The following RTL10 variants were observed in gnomAD, a reference collection of about 807,000 sequenced individuals.
RTL10 encodes the protein protein Bop.
For synonymous variants in RTL10, 199 were observed against 188.4 expected (o/e 1.06, Z -0.46); for missense variants, 477 against 470.7 (o/e 1.01, Z -0.12).
Position 19,846,403 on chromosome 22 carries a change from C to A in RTL10, c.*4764G>T, listed in dbSNP as rs13164. The A allele has an allele frequency of 1.0e-6, 1 of 983,186 alleles. No individual in the cohort carries two copies. The highest frequency in any genetic ancestry group is 1.2e-6 in the Non-Finnish European group (1 of 828,026). The allele number at this position is 983,186 out of a possible 1,614,324, so 60.9% of individuals were successfully genotyped here. A position where few individuals can be genotyped will look rare whatever the true frequency, so the allele number is the denominator to read the frequency against. The stretch of plus-strand genomic sequence containing the variant: ...GCATCCCATACAGCACAACTGGGCA[C>A]TGCCTACTCAACAGCCAAGGCTTGG... On this transcript the variant is annotated 3_prime_UTR_variant, in exon 3 of 3. Transcript: ENST00000328554.
At position 19,851,842 on chromosome 22, in the gene RTL10, G is replaced by A. The variant is rs200814178; in HGVS notation, c.420C>T (p.Cys140=). The change falls in exon 3 of 3, where the codon TGC becomes TGT. Residue 140 remains cysteine (C), a synonymous_variant. Coordinates refer to ENST00000328554, the MANE Select transcript of RTL10 (RefSeq NM_024627.6). ...GGCCTGTTAGGCGCCTGAGGATCTCGCAGACACGGCTGATGTTGTCCTGAT... is the reference window on the plus strand; with the variant it reads ...GGCCTGTTAGGCGCCTGAGGATCTCACAGACACGGCTGATGTTGTCCTGAT... ...EHYQDNISRV[C]EILRRLTGRA... 8.7e-5 allele frequency: 141 copies of A among 1,613,866 alleles called. No homozygotes were observed. The highest frequency in any genetic ancestry group is 2.8e-4 in the Admixed American group (17 of 60,036).
At position 19,847,803 on chromosome 22, in the gene RTL10, G is replaced by GAAAAAAAAAA. The variant is rs1468350618; in HGVS notation, c.*3363_*3364insTTTTTTTTTT. 64 of 440,332 alleles carry GAAAAAAAAAA rather than the reference G, an allele frequency of 1.5e-4. No individual in the cohort carries two copies. The African/African-American group carries it at 1.6e-3, about 11-fold the overall frequency. The allele number at this position is 440,332 out of a possible 1,614,324, so 27.3% of individuals were successfully genotyped here. A position where few individuals can be genotyped will look rare whatever the true frequency, so the allele number is the denominator to read the frequency against. ...AACTTTTAAAATCCTGGAATCATAG[G>GAAAAAAAAAA]CAAAAAAAAAAAAAAAAAAAAATTC... On this transcript the variant is annotated 3_prime_UTR_variant, in exon 3 of 3. Coordinates refer to ENST00000328554, the MANE Select transcript of RTL10 (RefSeq NM_024627.6).
At position 19,851,968 on chromosome 22, in the gene RTL10, C is replaced by T; in HGVS notation, c.294G>A (p.Trp98Ter). ...AGGTGCCTGGGTCTGAGCCTGGTAC[C>T]CAGCAGAAGTCCACCCTGTGGGGTC... is the stretch of plus-strand genomic sequence containing the variant. ...SSRPHRVDFC[W>*]VPGSDPGTFD... is the part of the protein sequence containing the mutation. The change falls in exon 3 of 3, where the codon TGG becomes TGA. Residue 98 changes from tryptophan (W) to a stop codon, truncating the protein, a stop_gained. Transcript: ENST00000328554. LOFTEE classifies it low-confidence loss of function (END_TRUNC). The T allele has an allele frequency of 6.2e-7, 1 of 1,614,138 alleles. No homozygotes were observed. The highest frequency in any genetic ancestry group is 1.1e-5 in the South Asian group (1 of 91,086).
chr22:19,853,978 T>C (rs35169076), intron 2 of RTL10, among the ~76,000 whole-genome samples: 41,499 of 152,014 alleles, frequency 0.27, 9,342 homozygotes, highest in African/African-American at 0.62. Flanking sequence ...CCCAGTCCCC[T>C]ACCCTGCCCA....
chr22:19,847,684 G>C lies in RTL10; in HGVS notation c.*3483C>G, dbSNP rs1937992598. 6 of 984,272 alleles carry C rather than the reference G, an allele frequency of 6.1e-6. No homozygotes were observed. In the South Asian group the frequency reaches 1.9e-4, roughly 31 times the overall value. The allele number at this position is 984,272 out of a possible 1,614,324, so 61.0% of individuals were successfully genotyped here. On this transcript the variant is annotated 3_prime_UTR_variant, in exon 3 of 3. Transcript: ENST00000328554. ...AGTAGTCACAGCATGCATGTGCCTA[G>C]AATTGTTACGTGGTCAAATTATATT...
intron 1 of RTL10, 38 bp downstream of exon 1, chr22:19,854,622 A>G (rs1284232565): frequency 6.5e-6 from 1 of 152,758 alleles, no homozygotes; most frequent in African/African-American, 2.4e-5. Context: ...GAACGGCCCA[A>G]ATGTCTCCAG....
rs890481512 is a variant in RTL10 at position 19,849,568 on chromosome 22, T to C, written c.*1599A>G. The C allele has an allele frequency of 2.2e-6, 1 of 452,426 alleles. No individual in the cohort carries two copies. The highest frequency in any genetic ancestry group is 2.1e-5 in the African/African-American group (1 of 46,882). 28.0% of individuals were successfully genotyped at this position (452,426 alleles called of 1,614,324 possible). A position where few individuals can be genotyped will look rare whatever the true frequency, so the allele number is the denominator to read the frequency against. The stretch of plus-strand genomic sequence containing the variant: ...TTTTTAGGAGAGATGGATTTCTCCA[T>C]GCTGGTCAGGCTGGTCTTGAACTCC... On this transcript the variant is annotated 3_prime_UTR_variant, in exon 3 of 3. Coordinates refer to ENST00000328554, the MANE Select transcript of RTL10 (RefSeq NM_024627.6).
Position 19,850,998 on chromosome 22 carries a change from G to A in RTL10, c.*169C>T. 7.1e-7 allele frequency: 1 copy of A among 1,415,742 alleles called. No homozygotes were observed. The highest frequency in any genetic ancestry group is 9.2e-7 in the Non-Finnish European group (1 of 1,088,414). The allele number at this position is 1,415,742 out of a possible 1,614,324, so 87.7% of individuals were successfully genotyped here. On this transcript the variant is annotated 3_prime_UTR_variant, in exon 3 of 3. Transcript: ENST00000328554. ...GGAGGTCAAGCTCTGCTGGAGTTGG[G>A]GGAGCTGGTTCTGCTCAGCGCAGAG...
In RTL10 at chr22:19,846,627, G is replaced by C; in HGVS notation, c.*4540C>G. The stretch of plus-strand genomic sequence containing the variant: ...TTTTATGTTCAAGTCCTAACCCCTA[G>C]TACTTACATTTGAAGACAGGGTCTT... On this transcript the variant is annotated 3_prime_UTR_variant, in exon 3 of 3. Transcript: ENST00000328554. 2.3e-6 allele frequency: 2 copies of C among 888,232 alleles called. No homozygotes were observed. The highest frequency in any genetic ancestry group is 2.7e-6 in the Non-Finnish European group (2 of 741,190). The allele number at this position is 888,232 out of a possible 1,614,324, so 55.0% of individuals were successfully genotyped here.
rs1160039667 is a variant in RTL10, at chr22:19,846,861, C to T, written c.*4306G>A. On this transcript the variant is annotated 3_prime_UTR_variant, in exon 3 of 3. Coordinates refer to ENST00000328554, the MANE Select transcript of RTL10 (RefSeq NM_024627.6). ...TAGCTCCAGAATCATGAGGAAATGTCTGTTGTTTAAGTCCCCTAGCCTGCG... is the reference window on the plus strand; with the variant it reads ...TAGCTCCAGAATCATGAGGAAATGTTTGTTGTTTAAGTCCCCTAGCCTGCG... 6.6e-6 allele frequency: 6 copies of T among 914,574 alleles called. No homozygotes were observed. Among genetic ancestry groups the T allele is most frequent in the African/African-American group, 5.4e-5 (3 of 55,816 alleles). 56.7% of individuals were successfully genotyped at this position (914,574 alleles called of 1,614,324 possible).
rs925619254 is a variant in RTL10, at chr22:19,852,097, G to A, written c.165C>T (p.Thr55=). The change falls in exon 3 of 3, where the codon ACC becomes ACT. Residue 55 remains threonine (T), a synonymous_variant. Coordinates refer to ENST00000328554, the MANE Select transcript of RTL10 (RefSeq NM_024627.6). ...PWIERPCCGD[T]VCVRTTMEQK... is the part of the protein sequence containing the mutation. ...GCTCCATGGTCGTTCGCACACACACGGTGTCCCCACAGCAGGGCCGCTCAA... is the reference window on the plus strand; with the variant it reads ...GCTCCATGGTCGTTCGCACACACACAGTGTCCCCACAGCAGGGCCGCTCAA... 25 of 1,614,202 alleles carry A rather than the reference G, an allele frequency of 1.5e-5. No homozygotes were observed. The highest frequency in any genetic ancestry group is 2.0e-5 in the Non-Finnish European group (24 of 1,180,040).
chr22:19,850,695 G>A lies in RTL10; in HGVS notation c.*472C>T. The stretch of plus-strand genomic sequence containing the variant: ...CCAGCTGGGACAGAAGTCACAGGGA[G>A]CAGAGAGGGTGGGGCTAGGGGGACA... On this transcript the variant is annotated 3_prime_UTR_variant, in exon 3 of 3. Coordinates refer to ENST00000328554, the MANE Select transcript of RTL10 (RefSeq NM_024627.6). 2.4e-6 allele frequency: 3 copies of A among 1,233,846 alleles called. No homozygotes were observed. The highest frequency in any genetic ancestry group is 3.0e-6 in the Non-Finnish European group (3 of 989,994). The allele number at this position is 1,233,846 out of a possible 1,614,324, so 76.4% of individuals were successfully genotyped here.
Position 19,847,823 on chromosome 22 carries a change from A to AAAAAAAAAAAAAAAAAAAG in RTL10, c.*3343_*3344insCTTTTTTTTTTTTTTTTTT. On this transcript the variant is annotated 3_prime_UTR_variant, in exon 3 of 3. Transcript: ENST00000328554. ...CATAGGCAAAAAAAAAAAAAAAAAA[A>AAAAAAAAAAAAAAAAAAAG]AATTCACCCATATTTTCCTCTAGTA... is the stretch of plus-strand genomic sequence containing the variant. The AAAAAAAAAAAAAAAAAAAG allele has an allele frequency of 1.1e-6, 1 of 929,082 alleles. No individual in the cohort carries two copies. The highest frequency in any genetic ancestry group is 1.3e-6 in the Non-Finnish European group (1 of 780,918). 57.6% of individuals were successfully genotyped at this position (929,082 alleles called of 1,614,324 possible). A position where few individuals can be genotyped will look rare whatever the true frequency, so the allele number is the denominator to read the frequency against.
rs376575551 is a variant in RTL10, at chr22:19,850,430, G to A, written c.*737C>T. ...CAGGGGATGGCAGCACAGCAGCAGG[G>A]AAGAGGAGCCTGCTTCAGAACACCA... On this transcript the variant is annotated 3_prime_UTR_variant, in exon 3 of 3. Transcript: ENST00000328554. The A allele has an allele frequency of 4.0e-6, 4 of 993,976 alleles. No individual in the cohort carries two copies. Among genetic ancestry groups the A allele is most frequent in the African/African-American group, 3.5e-5 (2 of 57,764 alleles). 61.6% of individuals were successfully genotyped at this position (993,976 alleles called of 1,614,324 possible).
At chr22:19,853,004 GCGT>G (rs1938146078) in intron 2 of RTL10, among the ~76,000 whole-genome samples, 1 of 152,156 alleles carries the variant, frequency 6.6e-6, no homozygotes. Flanking sequence ...CGCACAGACC[GCGT>G]CGTCATTAGG....
At position 19,848,980 on chromosome 22, in the gene RTL10, T is replaced by C; in HGVS notation, c.*2187A>G. 2 of 985,488 alleles carry C rather than the reference T, an allele frequency of 2.0e-6. No homozygotes were observed. The highest frequency in any genetic ancestry group is 4.7e-5 in the South Asian group (1 of 21,284). The allele number at this position is 985,488 out of a possible 1,614,324, so 61.0% of individuals were successfully genotyped here. Reference sequence around the variant, plus strand: ...GACCCACAGGTGAGCCAGGCCACAGTGCACTGGAGGTAGGCATCAGGGAGC... The same window carrying C: ...GACCCACAGGTGAGCCAGGCCACAGCGCACTGGAGGTAGGCATCAGGGAGC... On this transcript the variant is annotated 3_prime_UTR_variant, in exon 3 of 3. Coordinates refer to ENST00000328554, the MANE Select transcript of RTL10 (RefSeq NM_024627.6).
chr22:19,852,962 T>C lies in RTL10; in HGVS notation c.-225-476A>G, dbSNP rs553652788. ...TTATAAACTACATTTGTCTGCTGAG[T>C]AGGCTCTAGCCGCCCCAAAAACTCT... On this transcript the variant is annotated intron_variant, in intron 2 of 2. Transcript: ENST00000328554. Among the ~76,000 whole-genome samples the C allele has an allele frequency of 3.4e-4, 52 of 152,256 alleles. No individual in the cohort carries two copies. In the South Asian group the frequency reaches 0.01, roughly 30 times the overall value.
chr22:19,851,339 T>G lies in RTL10; in HGVS notation c.923A>C (p.Asn308Thr). The change falls in exon 3 of 3, where the codon AAT becomes ACT. Residue 308 changes from asparagine to threonine, a missense_variant. Physicochemically the swap from Asn to Thr is moderately conservative, Grantham distance 65 (BLOSUM62 0). Transcript: ENST00000328554. ...TPVPRLSESA[N>T]PPAQRPDPAH... is the part of the protein sequence containing the mutation. ...TGGGTCTGGTCTCTGGGCAGGAGGA[T>G]TAGCTGACTCCGACAGTCTAGGGAC... The G allele has an allele frequency of 6.2e-7, 1 of 1,614,106 alleles. No homozygotes were observed. Among genetic ancestry groups the G allele is most frequent in the South Asian group, 1.1e-5 (1 of 91,082 alleles).
rs1386394355 is a variant in RTL10 at position 19,850,207 on chromosome 22, G to A, written c.*960C>T. ...CTGACAGAATGGGAAACAAAGACTT[G>A]CTGGTAGGCAGCCACTGCACCACCT... On this transcript the variant is annotated 3_prime_UTR_variant, in exon 3 of 3. Coordinates refer to ENST00000328554, the MANE Select transcript of RTL10 (RefSeq NM_024627.6). 2 of 985,590 alleles carry A rather than the reference G, an allele frequency of 2.0e-6. No homozygotes were observed. Among genetic ancestry groups the A allele is most frequent in the African/African-American group, 1.7e-5 (1 of 57,240 alleles). The allele number at this position is 985,590 out of a possible 1,614,324, so 61.1% of individuals were successfully genotyped here. A position where few individuals can be genotyped will look rare whatever the true frequency, so the allele number is the denominator to read the frequency against.
Sources: allele counts gnomAD v4.1 joint callset (sites outside exome capture counted in the v4.1 genomes callset), GRCh38; gene constraint gnomAD v4.1.1; transcripts MANE v1.5; gene names NCBI Gene and HGNC (gene_info 2026-07-23, HGNC 2026-07-21).